KCNJ3: variants seen among roughly 807,000 people sequenced by gnomAD.
KCNJ3 encodes the protein potassium inwardly rectifying channel subfamily J member 3.
A neutral mutation model predicts 39.2 loss-of-function variants in KCNJ3; 4 were observed. The observed-to-expected ratio is 0.10, with a 90% CI of 0.05 to 0.23. The LOEUF is 0.23. KCNJ3 is among the 10% of genes least tolerant of loss of function. The pLI, the probability that KCNJ3 is intolerant of heterozygous loss-of-function variation, is 1.00. For synonymous variants in KCNJ3, 230 were observed against 237.4 expected, an observed-to-expected ratio of 0.97 and a Z score of 0.29; for missense variants, 276 against 634.9, an observed-to-expected ratio of 0.43 and a Z score of 6.08.
intron 2 of KCNJ3, among the ~76,000 whole-genome samples, chr2:154,745,431 A>G (rs913841157): frequency 3.3e-5 from 5 of 151,980 alleles, no homozygotes; most frequent in Non-Finnish European, 7.4e-5. Context: ...TAGGATTGCT[A>G]TATCTTCTTG....
chr2:154,702,116 A>G (rs3111029), intron 1 of KCNJ3, among the ~76,000 whole-genome samples: 147,719 of 151,970 alleles, frequency 0.97, 71,922 homozygotes, highest in East Asian at 1. Flanking sequence ...AAATCTTGGC[A>G]TAATAATATG....
intron 2 of KCNJ3, among the ~76,000 whole-genome samples, chr2:154,778,713 C>T (rs1259070299): frequency 6.6e-6 from 1 of 151,928 alleles, no homozygotes; most frequent in Non-Finnish European, 1.5e-5. Context: ...TATGCATATG[C>T]TCTTTTTGGA....
chr2:154,789,222 C>T (rs1034337343), intron 2 of KCNJ3, among the ~76,000 whole-genome samples: 2 of 151,810 alleles, frequency 1.3e-5, no homozygotes, highest in East Asian at 1.9e-4. Context: ...CAGAAGTTAC[C>T]ATGTACCTAG....
chr2:154,796,434 T>C lies in KCNJ3; in HGVS notation c.920-58293T>C, dbSNP rs112980671. On this transcript the variant is annotated intron_variant, in intron 2 of 2. Coordinates refer to ENST00000295101, the MANE Select transcript of KCNJ3 (RefSeq NM_002239.4). ...ATATCTCAATGATTTCACTGTTATA[T>C]TGACATAATTGTTTGCTTTGTATCT... is the stretch of plus-strand genomic sequence containing the variant. Among the ~76,000 whole-genome samples the C allele has an allele frequency of 6.5e-3, 990 of 152,288 alleles. 18 individuals carry two copies. Among genetic ancestry groups the C allele is most frequent in the African/African-American group, 0.022 (917 of 41,580 alleles).
chr2:154,716,276 ATTTTTTTTTT>A lies in KCNJ3; in HGVS notation c.919+6470_919+6479del, dbSNP rs535989708. On this transcript the variant is annotated intron_variant, in intron 2 of 2. Transcript: ENST00000295101. ...AGGTGCCTGCCACCACGGCCGGCTAATTTTTTTTTTTTTTTTTTTTTTGTATTTTTAGTAG... is the reference window on the plus strand; with the variant it reads ...AGGTGCCTGCCACCACGGCCGGCTAATTTTTTTTTTTTGTATTTTTAGTAG... Among the ~76,000 whole-genome samples, 900 of 115,460 alleles carry A rather than the reference ATTTTTTTTTT, an allele frequency of 7.8e-3. 12 individuals carry two copies. The highest frequency in any genetic ancestry group is 0.027 in the African/African-American group (810 of 30,006). The allele number at this position is 115,460 out of a possible 152,430, so 75.7% of individuals were successfully genotyped here. A position where few individuals can be genotyped will look rare whatever the true frequency, so the allele number is the denominator to read the frequency against.
intron 2 of KCNJ3, among the ~76,000 whole-genome samples, chr2:154,746,485 TTA>T (rs1685744787): frequency 6.6e-6 from 1 of 151,522 alleles, no homozygotes; most frequent in Non-Finnish European, 1.5e-5. Context: ...TGATTTTTAT[TTA>T]TGTTATTTTT....
chr2:154,713,290 G>A (rs1685130267), intron 2 of KCNJ3, among the ~76,000 whole-genome samples: 1 of 152,082 alleles, frequency 6.6e-6, no homozygotes, highest in Non-Finnish European at 1.5e-5. Flanking sequence ...AATGCATTCT[G>A]AGACACTCTG....
At chr2:154,811,982 A>T (rs1558880361) in intron 2 of KCNJ3, among the ~76,000 whole-genome samples, 1 of 152,166 alleles carries the variant, frequency 6.6e-6, no homozygotes, top group Admixed American at 6.5e-5. Context: ...CAAAGAAAAA[A>T]GTCCTGTTCA....
intron 2 of KCNJ3, among the ~76,000 whole-genome samples, chr2:154,750,743 A>AT (rs1685827068): frequency 6.6e-6 from 1 of 151,994 alleles, no homozygotes; most frequent in Non-Finnish European, 1.5e-5. Context: ...AACTTTTGCC[A>AT]TTTTGTTTTC....
At chr2:154,818,283 G>A (rs965176135) in intron 2 of KCNJ3, among the ~76,000 whole-genome samples, 2 of 152,192 alleles carry the variant, frequency 1.3e-5, no homozygotes, top group African/African-American at 4.8e-5. Flanking sequence ...ATGGGTCTTG[G>A]ATTGGAGTTA....
chr2:154,780,515 C>T (rs1686419089), intron 2 of KCNJ3, among the ~76,000 whole-genome samples: 1 of 150,122 alleles, frequency 6.7e-6, no homozygotes, highest in Non-Finnish European at 1.5e-5. Context: ...AGTGTCCAGG[C>T]AAAAAATGAA....
intron 2 of KCNJ3, among the ~76,000 whole-genome samples, chr2:154,776,457 A>T (rs1365365063): frequency 6.6e-6 from 1 of 152,142 alleles, no homozygotes. Flanking sequence ...TACACATAAT[A>T]TATTGGCACA....
rs527685933 is a variant in KCNJ3, at chr2:154,796,639, G to GC, written c.920-58088_920-58087insC. On this transcript the variant is annotated intron_variant, in intron 2 of 2. Transcript: ENST00000295101. ...CACTGAACTCAAATCATGTTTTAAA[G>GC]GGTTTTTTTTGTGATACTTATGAAA... Among the ~76,000 whole-genome samples, 309 of 113,562 alleles carry GC rather than the reference G, an allele frequency of 2.7e-3. 2 individuals are homozygous for GC. The highest frequency in any genetic ancestry group is 8.2e-3 in the African/African-American group (299 of 36,394). 74.5% of individuals were successfully genotyped at this position (113,562 alleles called of 152,430 possible). A position where few individuals can be genotyped will look rare whatever the true frequency, so the allele number is the denominator to read the frequency against.
At chr2:154,793,944 TA>T (rs1318621614) in intron 2 of KCNJ3, among the ~76,000 whole-genome samples, 1 of 151,910 alleles carries the variant, frequency 6.6e-6, no homozygotes, top group Admixed American at 6.6e-5. Context: ...GGTATATATA[TA>T]TTTTTTTTTC....
intron 1 of KCNJ3, among the ~76,000 whole-genome samples, chr2:154,706,151 C>A (rs1006627546): frequency 1.3e-5 from 2 of 151,916 alleles, no homozygotes; most frequent in African/African-American, 4.8e-5. Context: ...TTAGCGATCG[C>A]TTTGAATTTG....
intron 2 of KCNJ3, among the ~76,000 whole-genome samples, chr2:154,768,931 T>G (rs1298148834): frequency 6.6e-6 from 1 of 152,200 alleles, no homozygotes; most frequent in African/African-American, 2.4e-5. Context: ...CCTAGGTATT[T>G]TATTCTTTTT....
Position 154,829,255 on chromosome 2 carries a change from A to G in KCNJ3, c.920-25472A>G, listed in dbSNP as rs116596816. 2.8e-3 allele frequency among the ~76,000 whole-genome samples: 428 copies of G among 152,270 alleles called. 4 individuals are homozygous for G. The highest frequency in any genetic ancestry group is 0.01 in the African/African-American group (421 of 41,550). ...ATAATGAGCGTAGTACCCAATAGGT[A>G]GTTTTTCAATTCTCACCCTCCTCCC... On this transcript the variant is annotated intron_variant, in intron 2 of 2. Coordinates refer to ENST00000295101, the MANE Select transcript of KCNJ3 (RefSeq NM_002239.4).
chr2:154,841,613 G>C (rs1181009225), intron 2 of KCNJ3, among the ~76,000 whole-genome samples: 1 of 152,114 alleles, frequency 6.6e-6, no homozygotes, highest in Non-Finnish European at 1.5e-5. Context: ...TTCAGAGCCT[G>C]TTATTGGTCT....
At chr2:154,713,616 C>T (rs1209550397) in intron 2 of KCNJ3, among the ~76,000 whole-genome samples, 4 of 152,140 alleles carry the variant, frequency 2.6e-5, no homozygotes, top group African/African-American at 7.2e-5. Flanking sequence ...GGTTTGTTGC[C>T]CTCCTTGCTT....
Sources: gnomAD v4.1 joint callset for allele counts (sites outside exome capture counted in the v4.1 genomes callset) on GRCh38, gnomAD v4.1.1 for gene constraint, MANE v1.5 for transcripts, NCBI Gene and HGNC (gene_info 2026-07-23, HGNC 2026-07-21) for gene names.